Variants in PALM2AKAP2 observed in about 807,000 individuals in gnomAD.
PALM2AKAP2 encodes PALM2 and AKAP2 fusion, also known as PALM2-AKAP2 fusion protein.
PALM2AKAP2 carries 37 observed loss-of-function variants against 71.5 expected under a neutral mutation model. That is an observed-to-expected ratio of 0.52 (90% CI 0.40 to 0.68). The LOEUF (loss-of-function observed/expected upper bound fraction) is 0.68, where lower values mean the gene tolerates loss of function less well. Ranked by LOEUF, PALM2AKAP2 falls within the 30% of genes least tolerant of loss-of-function variation. The pLI is 0.00. For synonymous variants in PALM2AKAP2, 468 were observed against 478.8 expected (o/e 0.98, Z 0.29); for missense variants, 1,224 against 1,191.8 (o/e 1.03, Z -0.40).
At position 110,097,698 on chromosome 9, in the gene PALM2AKAP2, C is replaced by G. The variant is rs1489631864; in HGVS notation, c.157-38429C>G. Among the ~76,000 whole-genome samples, 18 of 145,768 alleles carry G rather than the reference C, an allele frequency of 1.2e-4. No individual in the cohort carries two copies. In the East Asian group the frequency reaches 3.1e-3, roughly 25 times the overall value. ...CAGACTGGGCAGCCAGGCAGAGGGGCTCCTCACATCCCAGACGATGGGCGG... is the reference window on the plus strand; with the variant it reads ...CAGACTGGGCAGCCAGGCAGAGGGGGTCCTCACATCCCAGACGATGGGCGG... On this transcript the variant is annotated intron_variant, in intron 1 of 3. Coordinates refer to ENST00000374525, the Ensembl canonical transcript of PALM2AKAP2.
intron 1 of PALM2AKAP2, among the ~76,000 whole-genome samples, chr9:110,102,551 T>G (rs1835024286): frequency 6.6e-6 from 1 of 152,108 alleles, no homozygotes; most frequent in Admixed American, 6.6e-5. Context: ...TCTGGGGCCA[T>G]GGAGTTGTTA....
At chr9:109,969,088 G>GCCCACACACACACACACA (rs1554731283) in intron 6 of PALM2AKAP2, among the ~76,000 whole-genome samples, 1 of 149,602 alleles carries the variant, frequency 6.7e-6, no homozygotes, top group Non-Finnish European at 1.5e-5. Flanking sequence ...AAATGTGCGT[G>GCCCACACACACACACACA]CACACACACA....
chr9:109,858,315 C>T (rs1057018671), intron 1 of PALM2AKAP2, among the ~76,000 whole-genome samples: 4 of 151,704 alleles, frequency 2.6e-5, no homozygotes, highest in African/African-American at 9.7e-5. Flanking sequence ...GCCTGGCACA[C>T]AGTGACCACT....
intron 1 of PALM2AKAP2, among the ~76,000 whole-genome samples, chr9:110,077,530 CGTCTCTGACTCATGGGTCAGCGG>C (rs72046969): frequency 0.23 from 34,897 of 152,028 alleles, 5,111 homozygotes; most frequent in East Asian, 0.41. Flanking sequence ...ATTAATCTCA[CGTCTCTGACTCATGGGTCAGCGG>C]GTCAGGGCTC....
At chr9:109,708,141 T>A (rs1448909743) in intron 1 of PALM2AKAP2, among the ~76,000 whole-genome samples, 1 of 152,192 alleles carries the variant, frequency 6.6e-6, no homozygotes, top group Non-Finnish European at 1.5e-5. Flanking sequence ...GTTGATTCCT[T>A]TGTACAACAG....
chr9:110,168,308 A>G (rs991509926), intron 3 of PALM2AKAP2, 91 bp from the exon 11 acceptor site: 117 of 1,481,530 alleles, frequency 7.9e-5, no homozygotes, highest in Non-Finnish European at 1.0e-4. Context: ...TCAAGTTGAT[A>G]AAGAGAAAGG....
intron 5 of PALM2AKAP2, among the ~76,000 whole-genome samples, chr9:109,928,398 C>T (rs949556959): frequency 6.6e-5 from 10 of 152,206 alleles, no homozygotes; most frequent in African/African-American, 2.4e-4. Flanking sequence ...AATTTCTACT[C>T]TATAAGTTAC....
At chr9:109,712,438 T>C (rs1055739298) in intron 1 of PALM2AKAP2, among the ~76,000 whole-genome samples, 1 of 152,214 alleles carries the variant, frequency 6.6e-6, no homozygotes, top group Non-Finnish European at 1.5e-5. Context: ...GAATACGTTT[T>C]CCCGGTCTCC....
At chr9:109,709,529 T>A (rs997330930) in intron 1 of PALM2AKAP2, among the ~76,000 whole-genome samples, 1 of 152,184 alleles carries the variant, frequency 6.6e-6, no homozygotes, top group Non-Finnish European at 1.5e-5. Flanking sequence ...TCAGGGCCAG[T>A]CTTCCTTCAT....
intron 1 of PALM2AKAP2, among the ~76,000 whole-genome samples, chr9:109,646,808 G>A (rs1383620177): frequency 6.6e-6 from 1 of 152,194 alleles, no homozygotes; most frequent in Non-Finnish European, 1.5e-5. Context: ...TACTTTGTGA[G>A]TTTGAACTAT....
At position 109,653,632 on chromosome 9, in the gene PALM2AKAP2, A is replaced by C. The variant is rs374202178; in HGVS notation, c.5+12766A>C. On this transcript the variant is annotated intron_variant, in intron 1 of 6. Transcript: ENST00000374531. ...CATTTGGGGTCATGTTGAAAAGCAGATCCTGATTCTGTAGATAGGGGGTGT... is the reference window on the plus strand; with the variant it reads ...CATTTGGGGTCATGTTGAAAAGCAGCTCCTGATTCTGTAGATAGGGGGTGT... Among the ~76,000 whole-genome samples, 16 of 152,248 alleles carry C rather than the reference A, an allele frequency of 1.1e-4. No individual in the cohort carries two copies. The East Asian group carries it at 2.3e-3, about 22-fold the overall frequency.
intron 6 of PALM2AKAP2, among the ~76,000 whole-genome samples, chr9:109,950,712 G>A (rs1195417949): frequency 1.3e-5 from 2 of 152,220 alleles, no homozygotes; most frequent in South Asian, 2.1e-4. Context: ...CATGCAAATC[G>A]CTTAAATTCC....
chr9:109,696,248 G>A (rs566778021), intron 1 of PALM2AKAP2, among the ~76,000 whole-genome samples: 52 of 151,620 alleles, frequency 3.4e-4, no homozygotes, highest in South Asian at 2.7e-3. Flanking sequence ...GTTTCAGCAA[G>A]AAAAAAAAGC....
At chr9:110,160,109 A>C (rs1037894085) in intron 3 of PALM2AKAP2, among the ~76,000 whole-genome samples, 13 of 152,180 alleles carry the variant, frequency 8.5e-5, no homozygotes, top group African/African-American at 3.1e-4. Flanking sequence ...TTACCAACCT[A>C]TGCAAGGCCT....
At chr9:110,070,744 G>A (rs1834185833) in intron 1 of PALM2AKAP2, among the ~76,000 whole-genome samples, 1 of 152,148 alleles carries the variant, frequency 6.6e-6, no homozygotes, top group African/African-American at 2.4e-5. Context: ...TGGGATCTAT[G>A]CGACCCCAGT....
At chr9:109,869,673 C>CCATCCATCCATCCATA (rs1829553255) in intron 2 of PALM2AKAP2, among the ~76,000 whole-genome samples, 3 of 151,916 alleles carry the variant, frequency 2.0e-5, no homozygotes, top group Admixed American at 2.0e-4. Flanking sequence ...ATCCATCCAT[C>CCATCCATCCATCCATA]CAATCAACAG....
intron 7 of PALM2AKAP2, among the ~76,000 whole-genome samples, chr9:110,017,170 T>C (rs1167613549): frequency 6.6e-6 from 1 of 152,228 alleles, no homozygotes; most frequent in Non-Finnish European, 1.5e-5. Context: ...TGAGCCAAAC[T>C]GGAGATATTT....
chr9:109,855,076 T>C (rs113793653), intron 1 of PALM2AKAP2, among the ~76,000 whole-genome samples: 4,187 of 146,266 alleles, frequency 0.029, 233 homozygotes, highest in African/African-American at 0.1. Context: ...TGCCCCCCCC[T>C]TTTTTTGGGG....
At chr9:110,003,954 G>A (rs1832729118) in intron 6 of PALM2AKAP2, among the ~76,000 whole-genome samples, 1 of 152,062 alleles carries the variant, frequency 6.6e-6, no homozygotes, top group Non-Finnish European at 1.5e-5. Context: ...CCTGAATATA[G>A]CACACTGATG....
Sources: allele counts gnomAD v4.1 joint callset (sites outside exome capture counted in the v4.1 genomes callset), GRCh38; gene constraint gnomAD v4.1.1; transcripts MANE v1.5; gene names NCBI Gene and HGNC (gene_info 2026-07-23, HGNC 2026-07-21).